Variants in XKR9 observed in about 807,000 individuals in gnomAD.
The protein encoded by XKR9 is XK-related protein 9.
Under a neutral mutation model 32.0 loss-of-function variants are expected in XKR9, and 32 were observed. That is an observed-to-expected ratio of 1.00 (90% CI 0.76 to 1.34). The LOEUF (loss-of-function observed/expected upper bound fraction) is 1.34. XKR9 is among the 40% of genes most tolerant of loss of function. XKR9 has a pLI of 0.00. For synonymous variants in XKR9, 168 were observed against 143.4 expected (o/e 1.17, Z -1.22); for missense variants, 546 against 429.7 (o/e 1.27, Z -2.39).
chr8:70,756,737 G>A (rs569477695), intron 2 of XKR9, among the ~76,000 whole-genome samples: 5 of 152,124 alleles, frequency 3.3e-5, no homozygotes, highest in South Asian at 2.1e-4. Context: ...ATTCACTAGC[G>A]CCAATAGTTT....
chr8:70,808,663 T>C, the XKR9 span, among the ~76,000 whole-genome samples: 1 of 152,214 alleles, frequency 6.6e-6, no homozygotes, highest in Admixed American at 6.5e-5. Context: ...TGTGCATGAC[T>C]TGGAGGGTCC....
At chr8:70,743,847 C>G (rs1807020799) in intron 2 of XKR9, among the ~76,000 whole-genome samples, 1 of 152,034 alleles carries the variant, frequency 6.6e-6, no homozygotes, top group Non-Finnish European at 1.5e-5. Flanking sequence ...TCTGCTCTCA[C>G]TCAGTGCCAT....
chr8:70,682,862 C>A (rs1242971839), intron 3 of XKR9, among the ~76,000 whole-genome samples: 1 of 152,218 alleles, frequency 6.6e-6, no homozygotes, highest in Non-Finnish European at 1.5e-5. Context: ...GTCCCTCAGT[C>A]AACAGACCTC....
chr8:70,732,698 G>A (rs900467326), intron 4 of XKR9, among the ~76,000 whole-genome samples: 1 of 152,180 alleles, frequency 6.6e-6, no homozygotes, highest in Non-Finnish European at 1.5e-5. Flanking sequence ...AGTAGAGTTT[G>A]ACTAATGAGG....
chr8:70,937,191 A>G, the XKR9 span, among the ~76,000 whole-genome samples: 1 of 152,040 alleles, frequency 6.6e-6, no homozygotes, highest in African/African-American at 2.4e-5. Flanking sequence ...AATATTTAGG[A>G]GATAAAACCT....
At chr8:70,952,397 T>C in the XKR9 span, among the ~76,000 whole-genome samples, 8 of 152,220 alleles carry the variant, frequency 5.3e-5, no homozygotes, top group African/African-American at 1.9e-4. Flanking sequence ...TATTTCTTTA[T>C]ATTAACCATT....
intron 2 of XKR9, among the ~76,000 whole-genome samples, chr8:70,756,000 A>G (rs903249409): frequency 1.3e-5 from 2 of 152,326 alleles, no homozygotes; most frequent in Admixed American, 6.5e-5. Flanking sequence ...TTTATAATAT[A>G]TGCATTAGAT....
At chr8:70,685,401 C>T (rs1170104290) in intron 3 of XKR9, among the ~76,000 whole-genome samples, 9 of 141,576 alleles carry the variant, frequency 6.4e-5, no homozygotes, top group South Asian at 2.4e-4. Context: ...TGCTAAATGA[C>T]GAGTTAATGC....
intron 4 of XKR9, among the ~76,000 whole-genome samples, chr8:70,723,450 C>T (rs1383425167): frequency 6.6e-6 from 1 of 152,154 alleles, no homozygotes; most frequent in Non-Finnish European, 1.5e-5. Flanking sequence ...ATTTATCTAC[C>T]TTTGCTCTTT....
the XKR9 span, among the ~76,000 whole-genome samples, chr8:70,939,472 C>T: frequency 1.3e-5 from 2 of 152,014 alleles, no homozygotes; most frequent in African/African-American, 2.4e-5. Flanking sequence ...ATATTTATTT[C>T]CCCACCTAAC....
chr8:70,820,961 T>G, the XKR9 span, among the ~76,000 whole-genome samples: 4 of 152,288 alleles, frequency 2.6e-5, 1 homozygote, highest in East Asian at 5.8e-4. Context: ...AAACCAATCG[T>G]GCATTCCCAA....
downstream of XKR9, among the ~76,000 whole-genome samples, chr8:70,738,135 C>T (rs1318816505): frequency 7.7e-6 from 1 of 130,606 alleles, no homozygotes; most frequent in Non-Finnish European, 1.8e-5. Flanking sequence ...TGATTATTGC[C>T]ACAATTTCAG....
intron 4 of XKR9, among the ~76,000 whole-genome samples, chr8:70,718,997 A>G (rs1806185151): frequency 6.6e-6 from 1 of 152,022 alleles, no homozygotes; most frequent in African/African-American, 2.4e-5. Flanking sequence ...TGACTTTTTA[A>G]TGGTCACCAT....
At chr8:71,014,196 T>G in the XKR9 span, among the ~76,000 whole-genome samples, 1 of 152,202 alleles carries the variant, frequency 6.6e-6, no homozygotes, top group Non-Finnish European at 1.5e-5. Flanking sequence ...AGCCTAAACC[T>G]ATTCTTGGTT....
chr8:70,681,219 T>C lies in XKR9; in HGVS notation c.161T>C (p.Val54Ala). ...AGCTTTATGCTTTTTGGAACACTTG[T>C]GGCTCAGTGTTTTAGTTATTCTTGG... Reference protein sequence around the residue: ...ALSFMLFGTLVAQCFSYSWFK... With the variant: ...ALSFMLFGTLAAQCFSYSWFK... Residue 54 changes from valine (V) to alanine (A), a missense_variant, in exon 3 of 5, where the codon GTG (valine) becomes GCG (alanine). Coordinates refer to ENST00000408926, the MANE Select transcript of XKR9 (RefSeq NM_001011720.2). 2 of 1,613,572 alleles carry C rather than the reference T, an allele frequency of 1.2e-6. No individual in the cohort carries two copies. Among genetic ancestry groups the C allele is most frequent in the South Asian group, 2.2e-5 (2 of 91,068 alleles).
chr8:70,702,856 A>T (rs1193257516), intron 3 of XKR9, among the ~76,000 whole-genome samples: 1 of 152,126 alleles, frequency 6.6e-6, no homozygotes, highest in Non-Finnish European at 1.5e-5. Flanking sequence ...ATCCAGTTTG[A>T]TAATCTCTTT....
At chr8:70,831,388 C>T in the XKR9 span, among the ~76,000 whole-genome samples, 1 of 151,686 alleles carries the variant, frequency 6.6e-6, no homozygotes, top group Non-Finnish European at 1.5e-5. Context: ...AAGGAAATAG[C>T]ATTTGTTGAG....
intron 4 of XKR9, among the ~76,000 whole-genome samples, chr8:70,731,586 C>A (rs1456114612): frequency 6.6e-6 from 1 of 152,204 alleles, no homozygotes; most frequent in Admixed American, 6.5e-5. Flanking sequence ...ACACCAGTCA[C>A]CTCATTCAGC....
the XKR9 span, among the ~76,000 whole-genome samples, chr8:70,891,612 T>C: frequency 6.6e-6 from 1 of 152,078 alleles, no homozygotes; most frequent in African/African-American, 2.4e-5. Context: ...GTTCTCTTGT[T>C]ATTATTTCCA....
Sources: gnomAD v4.1 joint callset for allele counts (sites outside exome capture counted in the v4.1 genomes callset) on GRCh38, gnomAD v4.1.1 for gene constraint, MANE v1.5 for transcripts, NCBI Gene and HGNC (gene_info 2026-07-23, HGNC 2026-07-21) for gene names.